The following NDST4 variants were observed in gnomAD, a reference collection of about 807,000 sequenced individuals.
The protein encoded by NDST4 is N-deacetylase and N-sulfotransferase 4.
A neutral mutation model predicts 100.8 loss-of-function variants in NDST4; 63 were observed. The ratio of observed to expected loss-of-function variants is 0.62; its 90% CI spans 0.51 to 0.77. The LOEUF is 0.77. Ranked by LOEUF, NDST4 falls within the 30% of genes least tolerant of loss-of-function variation. NDST4 has a pLI of 0.00. For synonymous variants in NDST4, 377 were observed against 361.8 expected, an observed-to-expected ratio of 1.04 and a Z score of -0.48; for missense variants, 943 against 1,018.4, an observed-to-expected ratio of 0.93 and a Z score of 1.01.
rs184787132 is a variant in NDST4 at position 115,094,046 on chromosome 4, C to A, written c.-246-16764G>T. ...AACCTCTGCTGACATGAAGATAAAACAAGATAAAGCAAACATAACTGATGG... is the reference window on the plus strand; with the variant it reads ...AACCTCTGCTGACATGAAGATAAAAAAAGATAAAGCAAACATAACTGATGG... On this transcript the variant is annotated intron_variant, in intron 1 of 13. Transcript: ENST00000264363. 4.8e-4 allele frequency among the ~76,000 whole-genome samples: 73 copies of A among 151,584 alleles called. No homozygotes were observed. The East Asian group carries it at 0.01, about 21-fold the overall frequency.
chr4:115,067,717 C>A (rs1263692734), intron 2 of NDST4, among the ~76,000 whole-genome samples: 2 of 147,964 alleles, frequency 1.4e-5, no homozygotes, highest in African/African-American at 2.6e-5. Flanking sequence ...AATATAGTAA[C>A]CTTATCATTT....
chr4:114,953,827 A>C (rs1726077781), intron 4 of NDST4, among the ~76,000 whole-genome samples: 1 of 152,154 alleles, frequency 6.6e-6, no homozygotes, highest in South Asian at 2.1e-4. Flanking sequence ...AGCAAAACTA[A>C]TTAACAGACA....
intron 2 of NDST4, among the ~76,000 whole-genome samples, chr4:114,994,664 G>A (rs1428343883): frequency 6.6e-6 from 1 of 152,084 alleles, no homozygotes; most frequent in Middle Eastern, 3.4e-3. Flanking sequence ...CTTAGTTACC[G>A]AACCATTGTA....
intron 6 of NDST4, among the ~76,000 whole-genome samples, chr4:114,879,229 C>T (rs1399771253): frequency 2.0e-5 from 3 of 152,120 alleles, no homozygotes; most frequent in Admixed American, 6.6e-5. Context: ...TTATTATTCG[C>T]TATAGTCCCC....
chr4:114,988,944 G>C lies in NDST4; in HGVS notation c.979-11670C>G, dbSNP rs560296868. ...ATAGTATAGCAAAATATTTTAAGATGGATTTTTCTTTACTTGGCAGATAAA... is the reference window on the plus strand; with the variant it reads ...ATAGTATAGCAAAATATTTTAAGATCGATTTTTCTTTACTTGGCAGATAAA... On this transcript the variant is annotated intron_variant, in intron 2 of 13. Transcript: ENST00000264363. Among the ~76,000 whole-genome samples, 5 of 152,168 alleles carry C rather than the reference G, an allele frequency of 3.3e-5. No homozygotes were observed. In the South Asian group the frequency reaches 1.0e-3, roughly 32 times the overall value.
chr4:115,033,136 TATA>T (rs1728151926), intron 2 of NDST4, among the ~76,000 whole-genome samples: 1 of 86,924 alleles, frequency 1.2e-5, no homozygotes, highest in South Asian at 4.1e-4. Context: ...TATGTGTATA[TATA>T]TATATATATA....
chr4:114,884,626 A>C (rs1479284369), intron 6 of NDST4, among the ~76,000 whole-genome samples: 1 of 152,166 alleles, frequency 6.6e-6, no homozygotes, highest in Non-Finnish European at 1.5e-5. Context: ...TTGTTTTAAG[A>C]AAAGTTACAT....
chr4:115,040,698 T>C (rs752450823), intron 2 of NDST4, among the ~76,000 whole-genome samples: 6 of 151,970 alleles, frequency 3.9e-5, no homozygotes, highest in African/African-American at 7.2e-5. Context: ...TTTGGCAAAG[T>C]AGCTAAAACC....
In NDST4 at chr4:114,870,923, T is replaced by C; in HGVS notation, c.1564A>G (p.Asn522Asp). Residue 522 changes from asparagine to aspartate, a missense_variant, in exon 7 of 14, where the codon AAC becomes GAC. Transcript: ENST00000264363. ...AACCCTAGGCGGTCATTTCCATAGTTTGATAAATGGGTCATGAAAATGCTG... is the reference window on the plus strand; with the variant it reads ...AACCCTAGGCGGTCATTTCCATAGTCTGATAAATGGGTCATGAAAATGCTG... ...PISIFMTHLS[N>D]YGNDRLGLYT... The C allele has an allele frequency of 6.2e-7, 1 of 1,607,452 alleles. No homozygotes were observed. The highest frequency in any genetic ancestry group is 8.5e-7 in the Non-Finnish European group (1 of 1,177,376).
chr4:115,040,246 A>G (rs772710328), intron 2 of NDST4, among the ~76,000 whole-genome samples: 55 of 150,894 alleles, frequency 3.6e-4, no homozygotes, highest in Non-Finnish European at 7.4e-5. Flanking sequence ...AATATACAAT[A>G]GATCTAAATA....
intron 6 of NDST4, among the ~76,000 whole-genome samples, chr4:114,911,046 T>G (rs1336032446): frequency 6.6e-6 from 1 of 152,202 alleles, no homozygotes; most frequent in Non-Finnish European, 1.5e-5. Context: ...TCAGATTGTT[T>G]TAAAACGTAA....
At chr4:114,952,331 C>G (rs1662710900) in intron 4 of NDST4, among the ~76,000 whole-genome samples, 2 of 151,944 alleles carry the variant, frequency 1.3e-5, no homozygotes, top group African/African-American at 4.8e-5. Context: ...TGTTCAGAAA[C>G]AAAACAGCTG....
chr4:115,024,872 C>T (rs543248962), intron 2 of NDST4, among the ~76,000 whole-genome samples: 4 of 152,254 alleles, frequency 2.6e-5, no homozygotes, highest in Admixed American at 2.0e-4. Context: ...AATTATTAGG[C>T]CATCAGGGTT....
At chr4:114,982,561 T>C (rs776619281) in intron 2 of NDST4, among the ~76,000 whole-genome samples, 4 of 152,024 alleles carry the variant, frequency 2.6e-5, no homozygotes, top group Non-Finnish European at 5.9e-5. Flanking sequence ...CTCATTTGCA[T>C]AAAGAAAGAG....
intron 6 of NDST4, among the ~76,000 whole-genome samples, chr4:114,910,030 A>T (rs1018129111): frequency 6.6e-6 from 1 of 152,186 alleles, no homozygotes; most frequent in Non-Finnish European, 1.5e-5. Context: ...TGTCTGTTAA[A>T]CATTTATGAG....
chr4:114,836,678 G>A (rs1473692826), intron 11 of NDST4, among the ~76,000 whole-genome samples: 1 of 152,090 alleles, frequency 6.6e-6, no homozygotes, highest in African/African-American at 2.4e-5. Context: ...GCTAGGTAGG[G>A]GAAGTTCTCC....
chr4:114,986,793 C>CATACATATATATATAT lies in NDST4; in HGVS notation c.979-9520_979-9519insATATATATATATGTAT, dbSNP rs1553959380. Among the ~76,000 whole-genome samples, 108 of 91,126 alleles carry CATACATATATATATAT rather than the reference C, an allele frequency of 1.2e-3. 4 individuals are homozygous for CATACATATATATATAT. The highest frequency in any genetic ancestry group is 4.6e-3 in the African/African-American group (101 of 22,100). The allele number at this position is 91,126 out of a possible 152,430, so 59.8% of individuals were successfully genotyped here. A position where few individuals can be genotyped will look rare whatever the true frequency, so the allele number is the denominator to read the frequency against. Reference sequence around the variant, plus strand: ...CCTCTAAGCCTGGTATCCAATTATACATATATATATATATATATATATATA... The same window carrying CATACATATATATATAT: ...CCTCTAAGCCTGGTATCCAATTATACATACATATATATATATATATATATATATATATATATATATA... On this transcript the variant is annotated intron_variant, in intron 2 of 13. Transcript: ENST00000264363.
intron 2 of NDST4, among the ~76,000 whole-genome samples, chr4:115,038,388 G>A (rs1320292439): frequency 6.6e-6 from 1 of 152,086 alleles, no homozygotes; most frequent in East Asian, 1.9e-4. Flanking sequence ...CTCAGCAAAG[G>A]AAAGGACAAG....
At chr4:115,019,379 A>G (rs1471573816) in intron 2 of NDST4, among the ~76,000 whole-genome samples, 1 of 152,122 alleles carries the variant, frequency 6.6e-6, no homozygotes, top group Non-Finnish European at 1.5e-5. Flanking sequence ...CATCCAGGAC[A>G]TACCCCAAAG....
Sources: gnomAD v4.1 joint callset for allele counts (sites outside exome capture counted in the v4.1 genomes callset) on GRCh38, gnomAD v4.1.1 for gene constraint, MANE v1.5 for transcripts, NCBI Gene and HGNC (gene_info 2026-07-23, HGNC 2026-07-21) for gene names.